The following GNAI1 variants were observed in gnomAD, a reference collection of about 807,000 sequenced individuals.
The protein encoded by GNAI1 is G protein subunit alpha i1.
In GNAI1, 11 loss-of-function variants were observed where a neutral mutation model predicts 38.9. That is an observed-to-expected ratio of 0.28 (90% CI 0.18 to 0.47). The LOEUF is 0.47. Ranked by LOEUF, GNAI1 falls within the 20% of genes least tolerant of loss-of-function variation. The pLI, the probability that GNAI1 is intolerant of heterozygous loss-of-function variation, is 0.99. For missense variants in GNAI1, 317 were observed against 436.9 expected, an observed-to-expected ratio of 0.73 and a Z score of 2.45; for synonymous variants, 166 against 145.1, an observed-to-expected ratio of 1.14 and a Z score of -1.04.
intron 3 of GNAI1, among the ~76,000 whole-genome samples, chr7:80,192,899 T>G (rs1270604375): frequency 2.6e-5 from 4 of 151,894 alleles, no homozygotes; most frequent in Non-Finnish European, 5.9e-5. Flanking sequence ...GGGTTTCACC[T>G]TGTTGGCCAG....
intron 5 of GNAI1, among the ~76,000 whole-genome samples, chr7:80,205,978 A>G (rs1299306862): frequency 7.0e-6 from 1 of 143,716 alleles, no homozygotes; most frequent in Non-Finnish European, 1.6e-5. Flanking sequence ...TTCTAAAATC[A>G]TCTTGGAAAA....
At chr7:80,214,231 T>C (rs778788045) in intron 7 of GNAI1, among the ~76,000 whole-genome samples, 6 of 152,206 alleles carry the variant, frequency 3.9e-5, no homozygotes, top group Non-Finnish European at 8.8e-5. Flanking sequence ...TTTAAAACTT[T>C]GCTTTCTTTT....
At position 80,154,594 on chromosome 7, in the gene GNAI1, G is replaced by A. The variant is rs145439163; in HGVS notation, c.118+19316G>A. On this transcript the variant is annotated intron_variant, in intron 1 of 7. Transcript: ENST00000649796. ...TTCTTCTTACATAAACAAGCCTCTAGCATGCTTTCTGTTGTTTACTACAAT... is the reference window on the plus strand; with the variant it reads ...TTCTTCTTACATAAACAAGCCTCTAACATGCTTTCTGTTGTTTACTACAAT... 2.5e-4 allele frequency among the ~76,000 whole-genome samples: 38 copies of A among 152,242 alleles called. No homozygotes were observed. The East Asian group carries it at 7.3e-3, about 29-fold the overall frequency.
intron 3 of GNAI1, among the ~76,000 whole-genome samples, chr7:80,190,946 G>A (rs12671775): frequency 0.57 from 85,691 of 151,566 alleles, 25,402 homozygotes; most frequent in East Asian, 0.79. Flanking sequence ...CTACTCTCAA[G>A]CTCTATTTTT....
chr7:80,156,063 AG>A (rs1422611859), intron 1 of GNAI1, among the ~76,000 whole-genome samples: 2 of 148,290 alleles, frequency 1.3e-5, no homozygotes, highest in South Asian at 2.1e-4. Flanking sequence ...AAAAAAAAAA[AG>A]AAAGAAAGCA....
chr7:80,154,162 G>C (rs1784658331), intron 1 of GNAI1, among the ~76,000 whole-genome samples: 1 of 152,104 alleles, frequency 6.6e-6, no homozygotes, highest in Non-Finnish European at 1.5e-5. Context: ...TACTCAAGTA[G>C]TCTGCCCACC....
chr7:80,212,257 A>G (rs992824822), intron 6 of GNAI1, among the ~76,000 whole-genome samples: 2 of 152,196 alleles, frequency 1.3e-5, no homozygotes. Context: ...AGGAATTGGA[A>G]GTGTCCTTCC....
intron 3 of GNAI1, among the ~76,000 whole-genome samples, chr7:80,197,804 AAAG>A (rs1455221617): frequency 6.6e-6 from 1 of 152,096 alleles, no homozygotes; most frequent in Non-Finnish European, 1.5e-5. Context: ...TTCCAGCTGA[AAAG>A]AAAATGTTTC....
chr7:80,224,228 G>A lies in GNAI1; in HGVS notation c.*6735G>A, dbSNP rs1425375068. 2.6e-5 allele frequency among the ~76,000 whole-genome samples: 4 copies of A among 152,052 alleles called. No individual in the cohort carries two copies. Among genetic ancestry groups the A allele is most frequent in the Admixed American group, 2.6e-4 (4 of 15,268 alleles). On this transcript the variant is annotated 3_prime_UTR_variant, in exon 8 of 8. Coordinates refer to ENST00000649796, the MANE Select transcript of GNAI1 (RefSeq NM_002069.6). Reference sequence around the variant, plus strand: ...CTACTGTGTGCTAGGTACTTTTCTGGGTACCTTACTAATGCTCTCATTTAG... The same window carrying A: ...CTACTGTGTGCTAGGTACTTTTCTGAGTACCTTACTAATGCTCTCATTTAG...
chr7:80,188,268 C>A (rs1788422871), intron 1 of GNAI1, among the ~76,000 whole-genome samples: 1 of 152,034 alleles, frequency 6.6e-6, no homozygotes, highest in South Asian at 2.1e-4. Flanking sequence ...TTCACAAGAG[C>A]CACAGGTTAA....
chr7:80,177,221 G>A (rs1584029297), intron 1 of GNAI1, among the ~76,000 whole-genome samples: 2 of 151,404 alleles, frequency 1.3e-5, no homozygotes, highest in South Asian at 4.2e-4. Context: ...TAGTAGAGAC[G>A]GGGTTTCACC....
intron 1 of GNAI1, among the ~76,000 whole-genome samples, chr7:80,149,550 A>C (rs748628679): frequency 5.3e-5 from 8 of 152,022 alleles, no homozygotes; most frequent in Non-Finnish European, 8.8e-5. Flanking sequence ...ATGGCTTCCC[A>C]TTGTTACTTT....
Position 80,217,476 on chromosome 7 carries a change from G to A in GNAI1, c.1048G>A (p.Asp350Asn). 1 of 1,597,940 alleles carries A rather than the reference G, an allele frequency of 6.3e-7. No homozygotes were observed. The highest frequency in any genetic ancestry group is 1.1e-5 in the South Asian group (1 of 87,604). ...TGTCATCATAAAAAATAATCTAAAA[G>A]ATTGTGGTCTCTTTTAAGTTTTGCA... Reference protein sequence around the residue: ...TDVIIKNNLKDCGLF With the variant: ...TDVIIKNNLKNCGLF Residue 350 changes from aspartate (D) to asparagine (N), a missense_variant, in exon 8 of 8, where the codon GAT becomes AAT. Physicochemically the swap from Asp to Asn is conservative, Grantham distance 23. Transcript: ENST00000649796.
intron 3 of GNAI1, among the ~76,000 whole-genome samples, chr7:80,198,799 A>G (rs1331730592): frequency 6.6e-6 from 1 of 152,192 alleles, no homozygotes; most frequent in Non-Finnish European, 1.5e-5. Flanking sequence ...ACTTAATTCA[A>G]TTCTATCTCT....
chr7:80,210,729 C>CT (rs11347260), intron 5 of GNAI1, among the ~76,000 whole-genome samples: 277 of 129,418 alleles, frequency 2.1e-3, no homozygotes, highest in East Asian at 9.3e-3. Flanking sequence ...TTTGTTTTTG[C>CT]TTTTTTTTTT....
chr7:80,192,491 A>T, intron 3 of GNAI1, among the ~76,000 whole-genome samples: 1 of 151,940 alleles, frequency 6.6e-6, no homozygotes, highest in East Asian at 1.9e-4. Context: ...CTTTCTATTG[A>T]TGTGTTCTTT....
intron 1 of GNAI1, among the ~76,000 whole-genome samples, chr7:80,162,651 C>T (rs1015138912): frequency 7.9e-5 from 12 of 152,318 alleles, no homozygotes; most frequent in African/African-American, 2.6e-4. Flanking sequence ...TCTCCACCTA[C>T]GAAGAAACCC....
rs547219554 is a variant in GNAI1 at position 80,172,246 on chromosome 7, A to ATGCC, written c.119-16705_119-16704insTGCC. Reference sequence around the variant, plus strand: ...AAAGGTCTTTGGGTCCAGTTCTAGAAATGCCTGGAATGCCATGCTAAGAAG... The same window carrying ATGCC: ...AAAGGTCTTTGGGTCCAGTTCTAGAATGCCATGCCTGGAATGCCATGCTAAGAAG... On this transcript the variant is annotated intron_variant, in intron 1 of 7. Transcript: ENST00000649796. Among the ~76,000 whole-genome samples the ATGCC allele has an allele frequency of 1.8e-4, 28 of 152,342 alleles. No homozygotes were observed. The South Asian group carries it at 5.4e-3, about 29-fold the overall frequency.
intron 1 of GNAI1, among the ~76,000 whole-genome samples, chr7:80,143,934 G>T (rs1787573624): frequency 6.6e-6 from 1 of 151,142 alleles, no homozygotes; most frequent in African/African-American, 2.4e-5. Context: ...GCGCGTGTGT[G>T]TATCTATATG....
Sources: gnomAD v4.1 joint callset for allele counts (sites outside exome capture counted in the v4.1 genomes callset) on GRCh38, gnomAD v4.1.1 for gene constraint, MANE v1.5 for transcripts, NCBI Gene and HGNC (gene_info 2026-07-23, HGNC 2026-07-21) for gene names.